NR3C2: variants seen among roughly 807,000 people sequenced by gnomAD.
The protein encoded by NR3C2 is nuclear receptor subfamily 3 group C member 2.
A neutral mutation model predicts 86.4 loss-of-function variants in NR3C2; 15 were observed. The ratio of observed to expected loss-of-function variants is 0.17; its 90% CI spans 0.12 to 0.27. NR3C2 has a LOEUF of 0.27. Ranked by LOEUF, NR3C2 falls within the 10% of genes least tolerant of loss-of-function variation. The pLI is 1.00. For synonymous variants in NR3C2, 458 were observed against 450.5 expected, an observed-to-expected ratio of 1.02 and a Z score of -0.21; for missense variants, 960 against 1,195.6, an observed-to-expected ratio of 0.80 and a Z score of 2.91.
intron 8 of NR3C2, among the ~76,000 whole-genome samples, chr4:148,097,570 A>G (rs1309964012): frequency 1.3e-5 from 2 of 152,292 alleles, no homozygotes; most frequent in South Asian, 2.1e-4. Flanking sequence ...TACTGACCAT[A>G]CAGACAGGAT....
intron 3 of NR3C2, among the ~76,000 whole-genome samples, chr4:148,259,191 C>T (rs918150343): frequency 6.6e-6 from 1 of 152,148 alleles, no homozygotes; most frequent in African/African-American, 2.4e-5. Context: ...TGTGGAGCCC[C>T]TTAGTGAATG....
intron 2 of NR3C2, among the ~76,000 whole-genome samples, chr4:148,285,268 T>C (rs542839648): frequency 6.6e-6 from 1 of 152,366 alleles, no homozygotes; most frequent in East Asian, 1.9e-4. Context: ...TTCTAATCAG[T>C]AACTTCTATT....
chr4:148,356,835 G>A (rs913729444), intron 2 of NR3C2, among the ~76,000 whole-genome samples: 1 of 152,052 alleles, frequency 6.6e-6, no homozygotes, highest in Non-Finnish European at 1.5e-5. Context: ...AACAGTCTGT[G>A]GTAAAGGAGC....
At chr4:148,375,261 GC>G (rs1380306555) in intron 2 of NR3C2, among the ~76,000 whole-genome samples, 1 of 152,044 alleles carries the variant, frequency 6.6e-6, no homozygotes, top group Non-Finnish European at 1.5e-5. Context: ...TTCGAAACCA[GC>G]CTGGCCAACA....
Position 148,154,875 on chromosome 4 carries a change from A to G in NR3C2, c.2041T>C (p.Leu681=), listed in dbSNP as rs1388083013. 3 of 1,568,324 alleles carry G rather than the reference A, an allele frequency of 1.9e-6. No individual in the cohort carries two copies. Among genetic ancestry groups the G allele is most frequent in the Non-Finnish European group, 2.6e-6 (3 of 1,155,682 alleles). ...GGCTGCTCCTCGTGAATCCCTTTTA[A>G]CTTTCCCAACTTCTTTGACTTTCGT... is the stretch of plus-strand genomic sequence containing the variant. ...GARKSKKLGK[L]KGIHEEQPQQ... is the part of the protein sequence containing the mutation. Residue 681 remains leucine (L), a synonymous_variant, in exon 5 of 9, where the codon TTA becomes CTA. Coordinates refer to ENST00000358102, the MANE Select transcript of NR3C2 (RefSeq NM_000901.5).
chr4:148,219,359 T>A (rs1003701911), intron 3 of NR3C2, among the ~76,000 whole-genome samples: 27 of 152,230 alleles, frequency 1.8e-4, no homozygotes, highest in Admixed American at 6.5e-5. Flanking sequence ...ATATTTTGAA[T>A]ACAAGTTCCT....
rs72726692 is a variant in NR3C2 at position 148,205,979 on chromosome 4, C to T, written c.1898-11117G>A. On this transcript the variant is annotated intron_variant, in intron 3 of 8. Coordinates refer to ENST00000358102, the MANE Select transcript of NR3C2 (RefSeq NM_000901.5). Reference sequence around the variant, plus strand: ...GTGTAGAATTGAGAAAGAGCAAAACCGTGAGGACTTGTTAGACCATATGAC... The same window carrying T: ...GTGTAGAATTGAGAAAGAGCAAAACTGTGAGGACTTGTTAGACCATATGAC... Among the ~76,000 whole-genome samples, 1,006 of 152,126 alleles carry T rather than the reference C, an allele frequency of 6.6e-3. 6 individuals carry two copies. Among genetic ancestry groups the T allele is most frequent in the Middle Eastern group, 0.021 (6 of 292 alleles).
At chr4:148,206,790 A>G (rs957650992) in intron 3 of NR3C2, among the ~76,000 whole-genome samples, 4 of 152,180 alleles carry the variant, frequency 2.6e-5, no homozygotes, top group African/African-American at 9.6e-5. Flanking sequence ...GGACTAGATC[A>G]TAAGTGTGCT....
chr4:148,195,436 A>G (rs1157017354), intron 3 of NR3C2, among the ~76,000 whole-genome samples: 1 of 152,240 alleles, frequency 6.6e-6, no homozygotes, highest in Non-Finnish European at 1.5e-5. Flanking sequence ...TATTTATTCA[A>G]AAATATTTAC....
chr4:148,210,329 C>A (rs373383033), intron 3 of NR3C2, among the ~76,000 whole-genome samples: 1 of 152,042 alleles, frequency 6.6e-6, no homozygotes, highest in African/African-American at 2.4e-5. Flanking sequence ...TAGCTGGGAA[C>A]ACAGGCGCAT....
chr4:148,346,848 T>A (rs902811152), intron 2 of NR3C2, among the ~76,000 whole-genome samples: 2 of 152,124 alleles, frequency 1.3e-5, no homozygotes, highest in African/African-American at 4.8e-5. Context: ...TCACATTCTA[T>A]TTCTATGGGG....
intron 2 of NR3C2, among the ~76,000 whole-genome samples, chr4:148,388,541 A>G (rs1747381803): frequency 6.6e-6 from 1 of 152,232 alleles, no homozygotes; most frequent in Non-Finnish European, 1.5e-5. Flanking sequence ...AGGTATATTT[A>G]CATCACAACA....
intron 2 of NR3C2, among the ~76,000 whole-genome samples, chr4:148,271,461 G>GT (rs36032097): frequency 6.6e-6 from 1 of 151,814 alleles, no homozygotes; most frequent in African/African-American, 2.4e-5. Context: ...CAGAAAGGCT[G>GT]TTTTTTTGGC....
chr4:148,226,488 C>A (rs1738172169), intron 3 of NR3C2, among the ~76,000 whole-genome samples: 2 of 152,022 alleles, frequency 1.3e-5, no homozygotes, highest in Admixed American at 1.3e-4. Flanking sequence ...ACATAGTTTA[C>A]CCACATTATG....
intron 2 of NR3C2, among the ~76,000 whole-genome samples, chr4:148,299,661 G>A (rs934084388): frequency 1.3e-5 from 2 of 152,238 alleles, no homozygotes; most frequent in Non-Finnish European, 1.5e-5. Context: ...GGAAGAAACG[G>A]CAATTAGAAG....
At chr4:148,115,279 TC>T (rs1732224369) in intron 7 of NR3C2, among the ~76,000 whole-genome samples, 1 of 152,210 alleles carries the variant, frequency 6.6e-6, no homozygotes, top group Non-Finnish European at 1.5e-5. Flanking sequence ...GAGAAGCAGG[TC>T]CCAGGACATT....
intron 2 of NR3C2, among the ~76,000 whole-genome samples, chr4:148,284,696 CAG>C (rs1031643198): frequency 1.3e-5 from 2 of 152,130 alleles, no homozygotes; most frequent in African/African-American, 4.8e-5. Flanking sequence ...CACTGACATG[CAG>C]AGAGATCCAA....
intron 3 of NR3C2, among the ~76,000 whole-genome samples, chr4:148,227,298 A>C (rs1738226400): frequency 6.6e-6 from 1 of 152,208 alleles, no homozygotes; most frequent in African/African-American, 2.4e-5. Flanking sequence ...AATTCAACTT[A>C]GGCATTTTTG....
rs1560907770 is a variant in NR3C2 at position 148,079,256 on chromosome 4, C to CGTAA, written c.*2084_*2087dup. On this transcript the variant is annotated 3_prime_UTR_variant, in exon 9 of 9. Coordinates refer to ENST00000358102, the MANE Select transcript of NR3C2 (RefSeq NM_000901.5). ...GTGTGGCTTTCATATTACTGTGCAC[C>CGTAA]GTAAGTTGACTGTATTTAAAGATCT... is the stretch of plus-strand genomic sequence containing the variant. 1 of 152,116 alleles carries CGTAA rather than the reference C, an allele frequency of 6.6e-6. No individual in the cohort carries two copies. Among genetic ancestry groups the CGTAA allele is most frequent in the African/African-American group, 2.4e-5 (1 of 41,414 alleles). 9.4% of individuals were successfully genotyped at this position (152,116 alleles called of 1,614,324 possible).
Sources: allele counts gnomAD v4.1 joint callset (sites outside exome capture counted in the v4.1 genomes callset), GRCh38; gene constraint gnomAD v4.1.1; transcripts MANE v1.5; gene names NCBI Gene and HGNC (gene_info 2026-07-23, HGNC 2026-07-21).